SLAMF9: variants seen among roughly 807,000 people sequenced by gnomAD.
SLAMF9 encodes the protein CD2 family member 10.
A neutral mutation model predicts 30.4 loss-of-function variants in SLAMF9; 25 were observed. That is an observed-to-expected ratio of 0.82 (90% CI 0.60 to 1.15). SLAMF9 has a LOEUF of 1.15. Among genes scored for constraint, SLAMF9 ranks in the 50% most tolerant of loss-of-function variants. The pLI, the probability that SLAMF9 is intolerant of heterozygous loss-of-function variation, is 0.00. For synonymous variants in SLAMF9, 129 were observed against 127.2 expected, an observed-to-expected ratio of 1.01 and a Z score of -0.09; for missense variants, 344 against 346.1, an observed-to-expected ratio of 0.99 and a Z score of 0.05.
At chr1:159,973,243 G>T in the SLAMF9 span, 261 of 948,578 alleles carry the variant, frequency 2.8e-4, no homozygotes, top group Non-Finnish European at 3.9e-4. Flanking sequence ...TAGGGCTCAG[G>T]AGTGGGGGCG....
At chr1:159,956,736 G>A (rs1464321535), upstream of SLAMF9, among the ~76,000 whole-genome samples, 1 of 152,096 alleles carries the variant, frequency 6.6e-6, no homozygotes, top group Non-Finnish European at 1.5e-5. Context: ...CAACAACATG[G>A]ATGAACCTGG....
At chr1:159,969,047 AAAG>A in the SLAMF9 span, among the ~76,000 whole-genome samples, 1 of 151,526 alleles carries the variant, frequency 6.6e-6, no homozygotes, top group Non-Finnish European at 1.5e-5. Context: ...ATCTCAAAAA[AAAG>A]AAGAAGAAGA....
At chr1:159,981,859 C>T in the SLAMF9 span, among the ~76,000 whole-genome samples, 1 of 152,248 alleles carries the variant, frequency 6.6e-6, no homozygotes, top group African/African-American at 2.4e-5. Flanking sequence ...GGACACTAAG[C>T]CTGGCGGGGA....
chr1:159,963,458 A>G, the SLAMF9 span, among the ~76,000 whole-genome samples: 2 of 152,190 alleles, frequency 1.3e-5, no homozygotes, highest in Non-Finnish European at 2.9e-5. Context: ...TTTCCATGCC[A>G]GTCACCTGTT....
At chr1:159,971,817 A>G in the SLAMF9 span, among the ~76,000 whole-genome samples, 3 of 152,068 alleles carry the variant, frequency 2.0e-5, no homozygotes, top group Admixed American at 2.0e-4. Flanking sequence ...AGGCCCTTAG[A>G]GCTACTTTCG....
the SLAMF9 span, among the ~76,000 whole-genome samples, chr1:159,976,208 C>T: frequency 2.0e-5 from 3 of 151,466 alleles, no homozygotes; most frequent in South Asian, 6.3e-4. Context: ...GCAAAAACAA[C>T]TAAGATGGTT....
the SLAMF9 span, among the ~76,000 whole-genome samples, chr1:159,977,557 T>TGCTGGTAGG: frequency 6.6e-6 from 1 of 152,258 alleles, no homozygotes; most frequent in Admixed American, 6.5e-5. Flanking sequence ...CTTCAGCTAC[T>TGCTGGTAGG]GCTGGTAGGG....
chr1:159,975,465 G>A, the SLAMF9 span, among the ~76,000 whole-genome samples: 1 of 152,234 alleles, frequency 6.6e-6, no homozygotes, highest in African/African-American at 2.4e-5. Context: ...GGTGGAGTGT[G>A]GCATGGCTGG....
chr1:159,953,940 C>A (rs1158459798), intron 1 of SLAMF9, 152 bp downstream of exon 1: 11 of 919,494 alleles, frequency 1.2e-5, no homozygotes, highest in Non-Finnish European at 1.5e-5. Flanking sequence ...TCTCTCGGTC[C>A]TGCCCTGAAG....
At chr1:159,968,064 T>C in the SLAMF9 span, among the ~76,000 whole-genome samples, 3 of 152,232 alleles carry the variant, frequency 2.0e-5, no homozygotes, top group Non-Finnish European at 4.4e-5. Flanking sequence ...TTTCACTTCT[T>C]CCTTTACTAT....
chr1:159,975,235 T>C, the SLAMF9 span, among the ~76,000 whole-genome samples: 2 of 152,222 alleles, frequency 1.3e-5, no homozygotes, highest in Admixed American at 1.3e-4. Flanking sequence ...CTCGGATATA[T>C]GCTAGTTTAT....
At chr1:159,964,084 A>G in the SLAMF9 span, among the ~76,000 whole-genome samples, 1 of 152,170 alleles carries the variant, frequency 6.6e-6, no homozygotes, top group South Asian at 2.1e-4. Flanking sequence ...CAAACAAAAA[A>G]GACAGAAACA....
chr1:159,981,165 G>A, the SLAMF9 span, among the ~76,000 whole-genome samples: 1 of 152,114 alleles, frequency 6.6e-6, no homozygotes, highest in African/African-American at 2.4e-5. Flanking sequence ...GGCCATTAGG[G>A]TGGGCCCTAA....
chr1:159,972,412 T>A, the SLAMF9 span: 3 of 152,612 alleles, frequency 2.0e-5, no homozygotes, highest in African/African-American at 7.2e-5. Flanking sequence ...TCCTAACGCT[T>A]GAGATTCCTC....
chr1:159,979,589 T>C, the SLAMF9 span, among the ~76,000 whole-genome samples: 1 of 152,248 alleles, frequency 6.6e-6, no homozygotes, highest in African/African-American at 2.4e-5. Context: ...AAAAAATATT[T>C]TCTTGACTGG....
the SLAMF9 span, among the ~76,000 whole-genome samples, chr1:159,978,150 C>T: frequency 6.6e-6 from 1 of 152,126 alleles, no homozygotes; most frequent in Non-Finnish European, 1.5e-5. Flanking sequence ...TTCAGGGTCT[C>T]CACAGAGTGA....
the SLAMF9 span, among the ~76,000 whole-genome samples, chr1:159,975,310 C>T: frequency 6.6e-6 from 1 of 152,172 alleles, no homozygotes; most frequent in Non-Finnish European, 1.5e-5. Flanking sequence ...CTGCTTAGTT[C>T]TACCTGGGGA....
chr1:159,951,975 T>C lies in SLAMF9; in HGVS notation c.665-109A>G, dbSNP rs1340582668. On this transcript the variant is annotated intron_variant, in intron 3 of 3. Transcript: ENST00000368093. ...AAGGGGTCTCAAGTTCACAATCAGT[T>C]GAAGTCCCCTTGCAAGTGTCTCTGG... 5.6e-6 allele frequency: 5 copies of C among 893,774 alleles called. No individual in the cohort carries two copies. The African/African-American group carries it at 8.4e-5, about 15-fold the overall frequency. The allele number at this position is 893,774 out of a possible 1,614,324, so 55.4% of individuals were successfully genotyped here.
chr1:159,982,715 TAC>T, the SLAMF9 span, among the ~76,000 whole-genome samples: 1 of 152,200 alleles, frequency 6.6e-6, no homozygotes. Context: ...TACATATGCA[TAC>T]ACACACATGT....
Sources: gnomAD v4.1 joint callset for allele counts (sites outside exome capture counted in the v4.1 genomes callset) on GRCh38, gnomAD v4.1.1 for gene constraint, MANE v1.5 for transcripts, NCBI Gene and HGNC (gene_info 2026-07-23, HGNC 2026-07-21) for gene names.